CEP78: variants seen among roughly 807,000 people sequenced by gnomAD.
CEP78 encodes centrosomal protein of 78 kDa.
In CEP78, 76 loss-of-function variants were observed where a neutral mutation model predicts 81.2. The ratio of observed to expected loss-of-function variants is 0.94; its 90% CI spans 0.78 to 1.13. The LOEUF is 1.13. CEP78 is among the 50% of genes most tolerant of loss of function. The pLI is 0.00. For missense variants in CEP78, 918 were observed against 846.8 expected, an observed-to-expected ratio of 1.08 and a Z score of -1.04; for synonymous variants, 293 against 301.4, an observed-to-expected ratio of 0.97 and a Z score of 0.29.
chr9:78,259,362 A>G (rs1461147647), intron 11 of CEP78, among the ~76,000 whole-genome samples: 2 of 152,216 alleles, frequency 1.3e-5, no homozygotes, highest in Non-Finnish European at 2.9e-5. Flanking sequence ...TGTGATGAGT[A>G]GAAGATATGG....
chr9:78,239,137 A>G (rs1407609859), intron 1 of CEP78, among the ~76,000 whole-genome samples: 2 of 151,928 alleles, frequency 1.3e-5, no homozygotes, highest in African/African-American at 4.8e-5. Flanking sequence ...TTCTCGTCAG[A>G]TATTCTTCAC....
rs187541068 is a variant in CEP78 at position 78,237,876 on chromosome 9, G to A, written c.253+1273G>A. 4.9e-3 allele frequency among the ~76,000 whole-genome samples: 737 copies of A among 151,616 alleles called. 6 individuals are homozygous for A. The highest frequency in any genetic ancestry group is 0.017 in the African/African-American group (705 of 41,258). ...CCCAGCACTTTGGGAGGCCAAGGCG[G>A]GGGGGTGTGGATCACCTGAGGTCAG... On this transcript the variant is annotated intron_variant, in intron 1 of 16. Coordinates refer to ENST00000643273, the MANE Select transcript of CEP78 (RefSeq NM_001330691.3).
chr9:78,241,202 G>A (rs1826212350), intron 3 of CEP78, among the ~76,000 whole-genome samples: 2 of 152,094 alleles, frequency 1.3e-5, no homozygotes, highest in South Asian at 2.1e-4. Flanking sequence ...GAGGGGTAAG[G>A]AAACCTGCAT....
chr9:78,278,705 ATTTGT>A lies in CEP78; in HGVS notation c.*7858_*7862del, dbSNP rs1365995483. The A allele has an allele frequency of 6.6e-6, 1 of 152,188 alleles. No individual in the cohort carries two copies. The highest frequency in any genetic ancestry group is 2.4e-5 in the African/African-American group (1 of 41,450). 9.4% of individuals were successfully genotyped at this position (152,188 alleles called of 1,614,324 possible). A position where few individuals can be genotyped will look rare whatever the true frequency, so the allele number is the denominator to read the frequency against. On this transcript the variant is annotated 3_prime_UTR_variant, in exon 17 of 17. Coordinates refer to ENST00000643273, the MANE Select transcript of CEP78 (RefSeq NM_001330691.3). ...GTGGGGCAATGCAAGTCTTTCCCAC[ATTTGT>A]TTTATTTTATGGCTAAAAGTCATTT...
In CEP78 at chr9:78,248,360, A is replaced by G. The variant is rs202072645; in HGVS notation, c.957+5A>G. On this transcript the variant is annotated splice_donor_5th_base_variant and intron_variant, in intron 7 of 16. Coordinates refer to ENST00000643273, the MANE Select transcript of CEP78 (RefSeq NM_001330691.3). ...GGAAGGAGTGCCAAATCAGAGGTAT[A>G]TCATGTTTTATTTCTCCAGAAAGAA... The G allele has an allele frequency of 5.8e-5, 89 of 1,536,068 alleles. No individual in the cohort carries two copies. Among genetic ancestry groups the G allele is most frequent in the Non-Finnish European group, 7.6e-5 (84 of 1,109,556 alleles).
Position 78,236,575 on chromosome 9 carries a change from C to A in CEP78, c.225C>A (p.Ser75Arg). The change falls in exon 1 of 17, where the codon AGC becomes AGA. Residue 75 changes from serine to arginine, a missense_variant. Transcript: ENST00000643273. ...NKDLPLVSIK[S>R]FFQPWLGDTG... ...ACCTGCCCTTGGTCTCCATCAAGAG[C>A]TTCTTCCAGCCCTGGCTGGGGGACA... 2 of 1,562,662 alleles carry A rather than the reference C, an allele frequency of 1.3e-6. No homozygotes were observed. Among genetic ancestry groups the A allele is most frequent in the South Asian group, 1.2e-5 (1 of 83,210 alleles).
rs1827779835 is a variant in CEP78, at chr9:78,275,353, C to G, written c.*4502C>G. On this transcript the variant is annotated 3_prime_UTR_variant, in exon 17 of 17. Coordinates refer to ENST00000643273, the MANE Select transcript of CEP78 (RefSeq NM_001330691.3). ...GGTGCGGTGGCCCATGCCTGTAATA[C>G]CAGTACTTTGGGAGGCCGAGGTGGG... 6.6e-6 allele frequency: 1 copy of G among 152,082 alleles called. No homozygotes were observed. The highest frequency in any genetic ancestry group is 1.5e-5 in the Non-Finnish European group (1 of 68,020). The allele number at this position is 152,082 out of a possible 1,614,324, so 9.4% of individuals were successfully genotyped here. A position where few individuals can be genotyped will look rare whatever the true frequency, so the allele number is the denominator to read the frequency against.
In CEP78 at chr9:78,248,316, CA is replaced by C; in HGVS notation, c.924del (p.Val309SerfsTer15). On this transcript the variant is annotated frameshift_variant, in exon 7 of 17. Coordinates refer to ENST00000643273, the MANE Select transcript of CEP78 (RefSeq NM_001330691.3). LOFTEE classifies it high-confidence loss of function. ...ATCATTCTATGATGAAAGCAGTTAT[CA>C]AAAAAGTCCTCCAGAATGGAAGGAG... ...IDHSMMKAVI[K>X]KVLQNGRSAK... The C allele has an allele frequency of 5.1e-6, 8 of 1,578,098 alleles. No individual in the cohort carries two copies. Among genetic ancestry groups the C allele is most frequent in the African/African-American group, 1.3e-5 (1 of 74,298 alleles).
intron 12 of CEP78, among the ~76,000 whole-genome samples, chr9:78,263,342 A>C (rs564304816): frequency 1.3e-5 from 2 of 152,292 alleles, no homozygotes; most frequent in African/African-American, 4.8e-5. Flanking sequence ...AAGGGGAATT[A>C]GGAAAATGAA....
At position 78,276,604 on chromosome 9, in the gene CEP78, G is replaced by C. The variant is rs1827809646; in HGVS notation, c.*5753G>C. On this transcript the variant is annotated 3_prime_UTR_variant, in exon 17 of 17. Coordinates refer to ENST00000643273, the MANE Select transcript of CEP78 (RefSeq NM_001330691.3). ...GGCTGTGCACAACACCAACACACCGGTATGAAAAGTGTGTACACCAGCAAT... is the reference window on the plus strand; with the variant it reads ...GGCTGTGCACAACACCAACACACCGCTATGAAAAGTGTGTACACCAGCAAT... 6.6e-6 allele frequency: 1 copy of C among 150,382 alleles called. No individual in the cohort carries two copies. Among genetic ancestry groups the C allele is most frequent in the Admixed American group, 6.6e-5 (1 of 15,092 alleles). 9.3% of individuals were successfully genotyped at this position (150,382 alleles called of 1,614,324 possible).
At chr9:78,259,156 G>C (rs1296098217) in intron 11 of CEP78, among the ~76,000 whole-genome samples, 1 of 152,160 alleles carries the variant, frequency 6.6e-6, no homozygotes, top group Non-Finnish European at 1.5e-5. Context: ...GAATGAACAA[G>C]AGCTACAGGC....
At chr9:78,248,954 T>C in intron 8 of CEP78, 81 bp downstream of exon 8, 1 of 628,788 alleles carries the variant, frequency 1.6e-6, no homozygotes, top group Non-Finnish European at 2.7e-6. Context: ...TTGTATGATA[T>C]TGACAGTAAC....
intron 2 of CEP78, 39 bp from the exon 3 acceptor site, chr9:78,240,253 A>C: frequency 6.2e-7 from 1 of 1,611,896 alleles, no homozygotes; most frequent in Non-Finnish European, 8.5e-7. Flanking sequence ...GAGGAAAAAA[A>C]ACCTCAATAA....
At chr9:78,243,304 C>T (rs182288964) in intron 4 of CEP78, among the ~76,000 whole-genome samples, 158 bp from the exon 5 acceptor site, 1 of 152,194 alleles carries the variant, frequency 6.6e-6, no homozygotes, top group Non-Finnish European at 1.5e-5. Flanking sequence ...ACTCCTTACT[C>T]AAAATCTACT....
In CEP78 at chr9:78,266,896, C is replaced by T. The variant is rs372876645; in HGVS notation, c.2107+193C>T. On this transcript the variant is annotated intron_variant, in intron 16 of 16. Transcript: ENST00000643273. ...GAAAATAGAATAGTGACTGTTTCATCCAAGACAAATAAAAGTAAATCCAGT... is the reference window on the plus strand; with the variant it reads ...GAAAATAGAATAGTGACTGTTTCATTCAAGACAAATAAAAGTAAATCCAGT... 4.3e-5 allele frequency: 61 copies of T among 1,432,004 alleles called. No individual in the cohort carries two copies. In the East Asian group the frequency reaches 5.0e-4, roughly 12 times the overall value. 88.7% of individuals were successfully genotyped at this position (1,432,004 alleles called of 1,614,324 possible). A position where few individuals can be genotyped will look rare whatever the true frequency, so the allele number is the denominator to read the frequency against.
intron 11 of CEP78, among the ~76,000 whole-genome samples, chr9:78,262,512 A>C (rs1827320738): frequency 6.6e-6 from 1 of 152,138 alleles, no homozygotes; most frequent in Non-Finnish European, 1.5e-5. Flanking sequence ...TTAATTGGTT[A>C]CTTGACTTTT....
In CEP78 at chr9:78,271,031, T is replaced by G. The variant is rs567696376; in HGVS notation, c.*180T>G. The G allele has an allele frequency of 2.1e-6, 1 of 485,876 alleles. No individual in the cohort carries two copies. Among genetic ancestry groups the G allele is most frequent in the East Asian group, 3.5e-5 (1 of 28,790 alleles). The allele number at this position is 485,876 out of a possible 1,614,324, so 30.1% of individuals were successfully genotyped here. Reference sequence around the variant, plus strand: ...CTGATTCTGGAGTTTGCCACCAGGCTAAGAAAGCAGCTATCTGAAGTGGGA... The same window carrying G: ...CTGATTCTGGAGTTTGCCACCAGGCGAAGAAAGCAGCTATCTGAAGTGGGA... On this transcript the variant is annotated 3_prime_UTR_variant, in exon 17 of 17. Coordinates refer to ENST00000643273, the MANE Select transcript of CEP78 (RefSeq NM_001330691.3).
rs369887995 is a variant in CEP78, at chr9:78,277,276, GAA to G, written c.*6432_*6433del. ...CCAAGACACAAAACCCAGTAGCCAT[GAA>G]AAAAAAGATAGATTTGACTACATTT... On this transcript the variant is annotated 3_prime_UTR_variant, in exon 17 of 17. Transcript: ENST00000643273. 2.0e-3 allele frequency: 310 copies of G among 151,556 alleles called. 5 individuals are homozygous for G. The highest frequency in any genetic ancestry group is 7.0e-3 in the African/African-American group (288 of 41,428). The allele number at this position is 151,556 out of a possible 1,614,324, so 9.4% of individuals were successfully genotyped here. A position where few individuals can be genotyped will look rare whatever the true frequency, so the allele number is the denominator to read the frequency against.
intron 13 of CEP78, 46 bp downstream of exon 13, chr9:78,264,362 T>C (rs1416739642): frequency 1.9e-6 from 3 of 1,568,486 alleles, no homozygotes; most frequent in Non-Finnish European, 2.6e-6. Context: ...ATGACTTTAA[T>C]GGTGTTTTGC....
Sources: allele counts gnomAD v4.1 joint callset (sites outside exome capture counted in the v4.1 genomes callset), GRCh38; gene constraint gnomAD v4.1.1; transcripts MANE v1.5; gene names NCBI Gene and HGNC (gene_info 2026-07-23, HGNC 2026-07-21).